Variants in PLD5 observed in about 807,000 individuals in gnomAD.
PLD5 encodes inactive phospholipase D5.
A neutral mutation model predicts 61.1 loss-of-function variants in PLD5; 36 were observed. That is an observed-to-expected ratio of 0.59 (90% confidence interval 0.45 to 0.78). PLD5 has a LOEUF of 0.78. Among genes scored for constraint, PLD5 ranks in the 30% least tolerant of loss-of-function variants. The pLI is 0.00. For missense variants in PLD5, 515 were observed against 644.4 expected (o/e 0.80, Z 2.17); for synonymous variants, 243 against 242.8 (o/e 1.00, Z -0.01).
intron 7 of PLD5, among the ~76,000 whole-genome samples, chr1:242,110,093 TTATTA>T (rs71806135): frequency 0.21 from 30,539 of 147,346 alleles, 3,285 homozygotes; most frequent in Non-Finnish European, 0.23. Flanking sequence ...TATTATTATA[TTATTA>T]TATTATCATA....
intron 4 of PLD5, among the ~76,000 whole-genome samples, chr1:242,249,760 A>T (rs1672597996): frequency 6.6e-6 from 1 of 152,230 alleles, no homozygotes; most frequent in South Asian, 2.1e-4. Flanking sequence ...CTTATTTCTG[A>T]TCTCCATTGG....
intron 2 of PLD5, among the ~76,000 whole-genome samples, chr1:242,346,117 G>A (rs1330176047): frequency 2.1e-5 from 3 of 142,938 alleles, no homozygotes; most frequent in African/African-American, 7.9e-5. Context: ...CAAAGGAAAG[G>A]AGAATGCCTA....
chr1:242,177,377 GAC>G (rs939601443), intron 5 of PLD5, among the ~76,000 whole-genome samples: 4 of 152,092 alleles, frequency 2.6e-5, no homozygotes, highest in African/African-American at 7.2e-5. Context: ...AGAACAGACA[GAC>G]ACAGGGAGGG....
intron 5 of PLD5, among the ~76,000 whole-genome samples, chr1:242,168,150 A>C (rs1666466618): frequency 6.6e-6 from 1 of 152,380 alleles, no homozygotes; most frequent in Admixed American, 6.5e-5. Flanking sequence ...AATGGTTAAC[A>C]ATCGCCTTTA....
At chr1:242,158,728 C>T (rs1262724341) in intron 5 of PLD5, among the ~76,000 whole-genome samples, 1 of 152,144 alleles carries the variant, frequency 6.6e-6, no homozygotes, top group Non-Finnish European at 1.5e-5. Context: ...GTCAATCTCA[C>T]TGGGAGCTGC....
intron 1 of PLD5, among the ~76,000 whole-genome samples, chr1:242,351,014 C>T (rs1266798330): frequency 1.3e-5 from 2 of 151,942 alleles, no homozygotes; most frequent in African/African-American, 4.8e-5. Context: ...CCTCAGCCTG[C>T]CTCAGCCTCC....
At chr1:242,300,982 G>A (rs1449694699) in intron 2 of PLD5, among the ~76,000 whole-genome samples, 3 of 152,194 alleles carry the variant, frequency 2.0e-5, no homozygotes, top group Non-Finnish European at 4.4e-5. Flanking sequence ...CTTGTGTGAT[G>A]TCACGCGAGC....
chr1:242,393,674 GTATA>G (rs201410753), intron 1 of PLD5, among the ~76,000 whole-genome samples: 1 of 65,422 alleles, frequency 1.5e-5, no homozygotes, highest in African/African-American at 6.3e-5. Context: ...ATATATATGA[GTATA>G]TATGTGTATA....
At chr1:242,489,764 T>C (rs1182423032) in intron 1 of PLD5, among the ~76,000 whole-genome samples, 1 of 152,216 alleles carries the variant, frequency 6.6e-6, no homozygotes, top group Non-Finnish European at 1.5e-5. Context: ...GCAGTTGGTA[T>C]TTGTGTTGGC....
chr1:242,273,473 T>C (rs1674230829), intron 3 of PLD5, among the ~76,000 whole-genome samples: 1 of 152,176 alleles, frequency 6.6e-6, no homozygotes, highest in South Asian at 2.1e-4. Flanking sequence ...TATATTATAT[T>C]ACAAATAAAA....
intron 1 of PLD5, among the ~76,000 whole-genome samples, chr1:242,491,018 CT>C (rs1421484759): frequency 6.6e-6 from 1 of 152,192 alleles, no homozygotes; most frequent in Non-Finnish European, 1.5e-5. Context: ...CAGTCTCCTC[CT>C]TTCAGACACA....
At chr1:242,437,199 T>G (rs1250632114) in intron 1 of PLD5, among the ~76,000 whole-genome samples, 1 of 152,168 alleles carries the variant, frequency 6.6e-6, no homozygotes, top group Admixed American at 6.5e-5. Flanking sequence ...GGGATACCAG[T>G]GATGGCACAA....
chr1:242,123,108 C>G (rs1662513833), intron 6 of PLD5, among the ~76,000 whole-genome samples: 1 of 152,172 alleles, frequency 6.6e-6, no homozygotes, highest in South Asian at 2.1e-4. Flanking sequence ...TTTAAGCATA[C>G]TTCGTAGCCA....
rs1479327820 is a variant in PLD5 at position 242,482,849 on chromosome 1, T to C, written c.189+41239A>G. Among the ~76,000 whole-genome samples the C allele has an allele frequency of 3.3e-5, 5 of 152,308 alleles. No individual in the cohort carries two copies. In the East Asian group the frequency reaches 5.8e-4, roughly 18 times the overall value. On this transcript the variant is annotated intron_variant, in intron 1 of 9. Transcript: ENST00000536534. ...CACAAAGGGAAGCCCATCACACTAA[T>C]AGCTGATCTCTCGGCAGAAACTCTA...
chr1:242,378,141 A>C (rs2149252843), intron 1 of PLD5, among the ~76,000 whole-genome samples: 1 of 152,374 alleles, frequency 6.6e-6, no homozygotes. Context: ...ATGGATCGAC[A>C]AAATGTGATA....
chr1:242,181,001 C>T (rs1667482946), intron 5 of PLD5, among the ~76,000 whole-genome samples: 1 of 151,870 alleles, frequency 6.6e-6, no homozygotes, highest in African/African-American at 2.4e-5. Flanking sequence ...AACAAACAAA[C>T]AAACAAACAA....
At chr1:242,409,078 AAAG>A (rs1664404037) in intron 1 of PLD5, among the ~76,000 whole-genome samples, 2 of 139,090 alleles carry the variant, frequency 1.4e-5, no homozygotes, top group Non-Finnish European at 3.0e-5. Flanking sequence ...AAAAAAAAGA[AAAG>A]AAAAGAAAAG....
At chr1:242,449,607 A>C in intron 1 of PLD5, 1 of 1,112,230 alleles carries the variant, frequency 9.0e-7, no homozygotes, top group Non-Finnish European at 1.2e-6. Context: ...TGCTCTTAAA[A>C]ACATAGGCCC....
chr1:242,174,942 AATG>A (rs1486228639), intron 5 of PLD5, among the ~76,000 whole-genome samples: 3 of 152,258 alleles, frequency 2.0e-5, no homozygotes, highest in African/African-American at 7.2e-5. Context: ...ACCTAATGTA[AATG>A]ATGAGTTATT....
Sources: allele counts gnomAD v4.1 joint callset (sites outside exome capture counted in the v4.1 genomes callset), GRCh38; gene constraint gnomAD v4.1.1; transcripts MANE v1.5; gene names NCBI Gene and HGNC (gene_info 2026-07-23, HGNC 2026-07-21).